LRP12: variants seen among roughly 807,000 people sequenced by gnomAD.
The protein encoded by LRP12 is low-density lipoprotein receptor-related protein 12.
In LRP12, 14 loss-of-function variants were observed where a neutral mutation model predicts 66.0. The ratio of observed to expected loss-of-function variants is 0.21; its 90% CI spans 0.14 to 0.33. LRP12 has a LOEUF of 0.33. Ranked by LOEUF, LRP12 falls within the 10% of genes least tolerant of loss-of-function variation. LRP12 has a pLI of 1.00. For synonymous variants in LRP12, 357 were observed against 359.1 expected, an observed-to-expected ratio of 0.99 and a Z score of 0.07; for missense variants, 889 against 1,053.4, an observed-to-expected ratio of 0.84 and a Z score of 2.16.
At chr8:104,531,120 C>G (rs1811319465) in intron 2 of LRP12, among the ~76,000 whole-genome samples, 1 of 151,996 alleles carries the variant, frequency 6.6e-6, no homozygotes. Context: ...TACAAGATGA[C>G]ACAAAGAAGT....
intron 1 of LRP12, among the ~76,000 whole-genome samples, chr8:104,548,324 AT>A (rs1811654243): frequency 7.8e-5 from 1 of 12,742 alleles, no homozygotes; most frequent in Non-Finnish European, 1.1e-4. Flanking sequence ...TAAATATATA[AT>A]ATATATTATA....
intron 2 of LRP12, among the ~76,000 whole-genome samples, chr8:104,525,413 T>C (rs1397981313): frequency 6.6e-6 from 1 of 152,014 alleles, no homozygotes; most frequent in African/African-American, 2.4e-5. Flanking sequence ...TGGCAAGGAT[T>C]TGAGGAGGAA....
intron 3 of LRP12, among the ~76,000 whole-genome samples, chr8:104,502,577 T>C (rs1810842995): frequency 6.6e-6 from 1 of 152,136 alleles, no homozygotes; most frequent in African/African-American, 2.4e-5. Flanking sequence ...CACTCCACGT[T>C]GCACAGACTG....
chr8:104,546,904 T>C lies in LRP12; in HGVS notation c.80-14941A>G, dbSNP rs1292167507. ...TATTCTTCTTATAATTATTATTATA[T>C]ATATTATATAATTATATATAATTAT... On this transcript the variant is annotated intron_variant, in intron 1 of 6. Coordinates refer to ENST00000276654, the MANE Select transcript of LRP12 (RefSeq NM_013437.5). Among the ~76,000 whole-genome samples the C allele has an allele frequency of 4.9e-5, 7 of 143,584 alleles. No individual in the cohort carries two copies. In the Admixed American group the frequency reaches 5.0e-4, roughly 10 times the overall value. 94.2% of individuals were successfully genotyped at this position (143,584 alleles called of 152,430 possible).
Position 104,539,876 on chromosome 8 carries a change from T to G in LRP12, c.80-7913A>C, listed in dbSNP as rs1024536501. Reference sequence around the variant, plus strand: ...CTGATCATCACTTTTTGTGAAGATATATATGCAGAAAACAAAGCCATGCAA... The same window carrying G: ...CTGATCATCACTTTTTGTGAAGATAGATATGCAGAAAACAAAGCCATGCAA... On this transcript the variant is annotated intron_variant, in intron 1 of 6. Coordinates refer to ENST00000276654, the MANE Select transcript of LRP12 (RefSeq NM_013437.5). Among the ~76,000 whole-genome samples the G allele has an allele frequency of 2.0e-5, 3 of 152,132 alleles. No homozygotes were observed. In the South Asian group the frequency reaches 6.2e-4, roughly 32 times the overall value.
Position 104,491,440 on chromosome 8 carries a change from G to A in LRP12, c.1813C>T (p.Arg605Cys), listed in dbSNP as rs1187856062. ...MAGRSSNIWN[R>C]IFNFARSRHS... Reference sequence around the variant, plus strand: ...CGTGATCTTGCAAAATTAAAAATACGGTTCCAAATGTTGCTTGATCTGCCT... The same window carrying A: ...CGTGATCTTGCAAAATTAAAAATACAGTTCCAAATGTTGCTTGATCTGCCT... The change falls in exon 7 of 7, where the codon CGT becomes TGT. Residue 605 changes from arginine (R) to cysteine (C), a missense_variant. Coordinates refer to ENST00000276654, the MANE Select transcript of LRP12 (RefSeq NM_013437.5). The A allele has an allele frequency of 3.1e-6, 5 of 1,613,864 alleles. No homozygotes were observed. The highest frequency in any genetic ancestry group is 2.2e-5 in the East Asian group (1 of 44,882).
chr8:104,558,248 A>C (rs1811844474), intron 1 of LRP12, among the ~76,000 whole-genome samples: 2 of 152,012 alleles, frequency 1.3e-5, no homozygotes, highest in South Asian at 4.1e-4. Context: ...AAACAAACAA[A>C]AAGGCACGTA....
intron 2 of LRP12, among the ~76,000 whole-genome samples, chr8:104,527,510 T>G (rs1405909017): frequency 6.6e-6 from 1 of 150,818 alleles, no homozygotes; most frequent in Non-Finnish European, 1.5e-5. Context: ...CCATAAAAAA[T>G]GATGAGTTCA....
chr8:104,556,981 A>G (rs1255077846), intron 1 of LRP12, among the ~76,000 whole-genome samples: 1 of 152,214 alleles, frequency 6.6e-6, no homozygotes, highest in Non-Finnish European at 1.5e-5. Context: ...TAAATGTAAT[A>G]CACCACATAA....
intron 1 of LRP12, among the ~76,000 whole-genome samples, chr8:104,570,945 G>T (rs1354942611): frequency 6.6e-6 from 1 of 152,016 alleles, no homozygotes; most frequent in Non-Finnish European, 1.5e-5. Flanking sequence ...ACACAAGATG[G>T]CAAAGAAGTA....
intron 1 of LRP12, among the ~76,000 whole-genome samples, chr8:104,540,451 G>C (rs1205081526): frequency 6.6e-6 from 1 of 152,108 alleles, no homozygotes; most frequent in Non-Finnish European, 1.5e-5. Context: ...GACAAATTCA[G>C]TACATTCTTC....
Position 104,542,018 on chromosome 8 carries a change from A to T in LRP12, c.80-10055T>A, listed in dbSNP as rs188930741. On this transcript the variant is annotated intron_variant, in intron 1 of 6. Coordinates refer to ENST00000276654, the MANE Select transcript of LRP12 (RefSeq NM_013437.5). ...TCAATTATCTTTAGTATGTAGAGAG[A>T]GTGGAACTGGTGGGTCATATGGTAT... 1.9e-3 allele frequency among the ~76,000 whole-genome samples: 282 copies of T among 152,258 alleles called. 1 individual carries two copies. The highest frequency in any genetic ancestry group is 4.4e-3 in the South Asian group (21 of 4,820).
At chr8:104,511,058 T>G (rs1293407028) in intron 2 of LRP12, among the ~76,000 whole-genome samples, 2 of 82,110 alleles carry the variant, frequency 2.4e-5, no homozygotes, top group Non-Finnish European at 4.7e-5. Context: ...TTTTTTTTTT[T>G]GAGATAGAGT....
intron 2 of LRP12, among the ~76,000 whole-genome samples, chr8:104,520,421 G>A (rs1588490407): frequency 2.0e-5 from 3 of 152,130 alleles, no homozygotes; most frequent in Middle Eastern, 6.8e-3. Flanking sequence ...ACTCTGGCTG[G>A]AAGCATAAAA....
rs369721833 is a variant in LRP12 at position 104,548,202 on chromosome 8, G to C, written c.80-16239C>G. On this transcript the variant is annotated intron_variant, in intron 1 of 6. Coordinates refer to ENST00000276654, the MANE Select transcript of LRP12 (RefSeq NM_013437.5). ...ATATATAATATATATATAAATATATGATATATTTATATTAATATATGATAT... is the reference window on the plus strand; with the variant it reads ...ATATATAATATATATATAAATATATCATATATTTATATTAATATATGATAT... Among the ~76,000 whole-genome samples, 92 of 71,784 alleles carry C rather than the reference G, an allele frequency of 1.3e-3. 3 individuals carry two copies. The highest frequency in any genetic ancestry group is 7.0e-3 in the African/African-American group (75 of 10,704). 47.1% of individuals were successfully genotyped at this position (71,784 alleles called of 152,430 possible). A position where few individuals can be genotyped will look rare whatever the true frequency, so the allele number is the denominator to read the frequency against.
intron 1 of LRP12, among the ~76,000 whole-genome samples, chr8:104,555,918 G>A (rs1043107536): frequency 6.6e-6 from 1 of 152,008 alleles, no homozygotes; most frequent in African/African-American, 2.4e-5. Flanking sequence ...GGCCACAAAC[G>A]AGTCTCAATA....
chr8:104,552,044 C>A (rs925066859), intron 1 of LRP12, among the ~76,000 whole-genome samples: 14 of 152,208 alleles, frequency 9.2e-5, no homozygotes, highest in African/African-American at 2.7e-4. Flanking sequence ...AAAGAGAAAG[C>A]TAGGCATTCT....
intron 1 of LRP12, among the ~76,000 whole-genome samples, chr8:104,577,351 C>G (rs919247575): frequency 6.6e-6 from 1 of 152,062 alleles, no homozygotes; most frequent in Non-Finnish European, 1.5e-5. Flanking sequence ...TCAGCAAATA[C>G]AAAAGAAATG....
At chr8:104,547,712 CTATAT>C (rs1184958754) in intron 1 of LRP12, among the ~76,000 whole-genome samples, 2 of 120,220 alleles carry the variant, frequency 1.7e-5, no homozygotes, top group African/African-American at 3.3e-5. Context: ...ATATATAATT[CTATAT>C]TATGTTATAT....
Sources: gnomAD v4.1 joint callset for allele counts (sites outside exome capture counted in the v4.1 genomes callset) on GRCh38, gnomAD v4.1.1 for gene constraint, MANE v1.5 for transcripts, NCBI Gene and HGNC (gene_info 2026-07-23, HGNC 2026-07-21) for gene names.